Variants in PPP1R12B observed in about 807,000 individuals in gnomAD.
The protein encoded by PPP1R12B is myosin phosphatase target subunit 2.
PPP1R12B carries 76 observed loss-of-function variants against 126.1 expected under a neutral mutation model. The observed-to-expected ratio is 0.60, with a 90% CI of 0.50 to 0.73. The LOEUF (loss-of-function observed/expected upper bound fraction) is 0.73. Among genes scored for constraint, PPP1R12B ranks in the 30% least tolerant of loss-of-function variants. The probability of loss-of-function intolerance (pLI) is 0.00; values close to 1 mark genes in which losing one functional copy is unlikely to be tolerated. For missense variants in PPP1R12B, 1,052 were observed against 1,205.1 expected, an observed-to-expected ratio of 0.87 and a Z score of 1.88; for synonymous variants, 356 against 434.7, an observed-to-expected ratio of 0.82 and a Z score of 2.25.
chr1:202,560,914 A>G (rs1293687621), intron 19 of PPP1R12B, among the ~76,000 whole-genome samples: 1 of 152,182 alleles, frequency 6.6e-6, no homozygotes, highest in African/African-American at 2.4e-5. Context: ...TAAAAGCCCG[A>G]TGACGAGTTA....
At chr1:202,375,963 C>T (rs1661115174) in intron 1 of PPP1R12B, among the ~76,000 whole-genome samples, 1 of 152,172 alleles carries the variant, frequency 6.6e-6, no homozygotes, top group Non-Finnish European at 1.5e-5. Flanking sequence ...GGGAGTGTGC[C>T]TAACTTATTC....
chr1:202,389,363 G>A (rs1022800926), intron 1 of PPP1R12B, among the ~76,000 whole-genome samples: 7 of 152,180 alleles, frequency 4.6e-5, no homozygotes, highest in Non-Finnish European at 8.8e-5. Flanking sequence ...AAATTTAACC[G>A]GCCGGGCGCG....
chr1:202,446,076 A>T (rs1421103177), intron 12 of PPP1R12B, among the ~76,000 whole-genome samples: 1 of 151,712 alleles, frequency 6.6e-6, no homozygotes, highest in Non-Finnish European at 1.5e-5. Flanking sequence ...TTTATGATGG[A>T]TTATTAATAA....
intron 13 of PPP1R12B, among the ~76,000 whole-genome samples, chr1:202,468,508 C>T (rs1675361677): frequency 6.6e-6 from 1 of 152,170 alleles, no homozygotes. Context: ...CATCCCCTTG[C>T]AACATTTTAT....
At chr1:202,373,087 A>G (rs1336233440) in intron 1 of PPP1R12B, among the ~76,000 whole-genome samples, 1 of 151,834 alleles carries the variant, frequency 6.6e-6, no homozygotes, top group Admixed American at 6.6e-5. Context: ...GGCGCACACC[A>G]CCACGCCTGG....
intron 1 of PPP1R12B, among the ~76,000 whole-genome samples, chr1:202,404,526 G>T (rs1386802008): frequency 6.6e-6 from 1 of 151,310 alleles, no homozygotes; most frequent in African/African-American, 2.4e-5. Context: ...TTTTGAGATG[G>T]AGTCTCACTC....
At chr1:202,479,495 T>C (rs1677079340) in intron 13 of PPP1R12B, among the ~76,000 whole-genome samples, 1 of 152,232 alleles carries the variant, frequency 6.6e-6, no homozygotes, top group African/African-American at 2.4e-5. Context: ...GCAGTGGCTA[T>C]GAGCCTGAGA....
intron 18 of PPP1R12B, among the ~76,000 whole-genome samples, chr1:202,507,477 A>G (rs1459700063): frequency 6.6e-6 from 1 of 152,210 alleles, no homozygotes; most frequent in African/African-American, 2.4e-5. Context: ...GGATTGTTTC[A>G]GCTATGAAAG....
At chr1:202,466,517 C>T (rs980395775) in intron 13 of PPP1R12B, among the ~76,000 whole-genome samples, 26 of 151,532 alleles carry the variant, frequency 1.7e-4, no homozygotes, top group African/African-American at 6.3e-4. Flanking sequence ...CTTTTCTCTC[C>T]TTAGGACTCT....
intron 10 of PPP1R12B, chr1:202,438,351 T>G: frequency 1.0e-6 from 1 of 999,418 alleles, no homozygotes; most frequent in African/African-American, 1.6e-5. Flanking sequence ...GGACCCCAGG[T>G]AGGGGTCCTG....
intron 1 of PPP1R12B, among the ~76,000 whole-genome samples, chr1:202,404,722 T>C (rs1226873465): frequency 6.6e-6 from 1 of 152,002 alleles, no homozygotes; most frequent in Non-Finnish European, 1.5e-5. Flanking sequence ...AGGATGGTCT[T>C]GATCTCCTGA....
At chr1:202,448,733 G>T in intron 12 of PPP1R12B, 1 of 455,520 alleles carries the variant, frequency 2.2e-6, no homozygotes, top group Non-Finnish European at 4.0e-6. Context: ...AATGATTTTT[G>T]TTAAAACAAA....
At chr1:202,463,159 T>G in intron 13 of PPP1R12B, 2 of 804,466 alleles carry the variant, frequency 2.5e-6, no homozygotes, top group African/African-American at 3.7e-5. Flanking sequence ...GGAAACTGGC[T>G]TGGTTGCATA....
intron 18 of PPP1R12B, among the ~76,000 whole-genome samples, chr1:202,528,537 T>G (rs1185425714): frequency 6.6e-6 from 1 of 152,216 alleles, no homozygotes; most frequent in Non-Finnish European, 1.5e-5. Context: ...ACAGTGCATA[T>G]GTAGTTCTCA....
intron 1 of PPP1R12B, among the ~76,000 whole-genome samples, chr1:202,358,721 T>G (rs571049928): frequency 6.6e-6 from 1 of 152,194 alleles, no homozygotes; most frequent in South Asian, 2.1e-4. Context: ...TTTTCAGTAT[T>G]GGAAATTGAC....
intron 18 of PPP1R12B, among the ~76,000 whole-genome samples, chr1:202,533,717 T>G (rs773101613): frequency 5.9e-5 from 9 of 152,348 alleles, no homozygotes; most frequent in Non-Finnish European, 8.8e-5. Context: ...TATGCATTTT[T>G]GGCCACAGTG....
At chr1:202,455,893 G>C (rs1220409360) in intron 13 of PPP1R12B, among the ~76,000 whole-genome samples, 2 of 152,158 alleles carry the variant, frequency 1.3e-5, no homozygotes, top group African/African-American at 4.8e-5. Context: ...GAGATGACCA[G>C]TAAGGAAACC....
chr1:202,564,658 C>A, intron 21 of PPP1R12B, 111 bp downstream of exon 21: 1 of 777,642 alleles, frequency 1.3e-6, no homozygotes, highest in Non-Finnish European at 2.0e-6. Flanking sequence ...ATCAGGCCTT[C>A]TCGGGGCAAT....
chr1:202,388,183 A>G (rs904338074), intron 1 of PPP1R12B, among the ~76,000 whole-genome samples: 3 of 151,788 alleles, frequency 2.0e-5, no homozygotes, highest in Admixed American at 6.6e-5. Context: ...GAAGAAATAT[A>G]TAAGACTTTT....
Sources: allele counts gnomAD v4.1 joint callset (sites outside exome capture counted in the v4.1 genomes callset), GRCh38; gene constraint gnomAD v4.1.1; transcripts MANE v1.5; gene names NCBI Gene and HGNC (gene_info 2026-07-23, HGNC 2026-07-21).